The following PSME2 variants were observed in gnomAD, a reference collection of about 807,000 sequenced individuals.
The protein encoded by PSME2 is proteasome activator subunit 2.
In PSME2, 20 loss-of-function variants were observed where a neutral mutation model predicts 38.8. That is an observed-to-expected ratio of 0.52 (90% CI 0.36 to 0.75). The LOEUF (loss-of-function observed/expected upper bound fraction) is 0.75, where lower values mean the gene tolerates loss of function less well. Ranked by LOEUF, PSME2 falls within the 30% of genes least tolerant of loss-of-function variation. The pLI is 0.00. For missense variants in PSME2, 227 were observed against 287.6 expected, an observed-to-expected ratio of 0.79 and a Z score of 1.52; for synonymous variants, 82 against 102.5, an observed-to-expected ratio of 0.80 and a Z score of 1.21.
chr14:24,144,097 A>G, intron 8 of PSME2, 68 bp from the exon 9 acceptor site: 1 of 1,610,694 alleles, frequency 6.2e-7, no homozygotes, highest in Non-Finnish European at 8.5e-7. Flanking sequence ...GACCCTTCCC[A>G]AAGTCTCCCA....
intron 2 of PSME2, 76 bp downstream of exon 2, chr14:24,146,132 G>T (rs1050714174): frequency 8.4e-6 from 13 of 1,541,914 alleles, no homozygotes; most frequent in Non-Finnish European, 9.9e-6. Context: ...GACTTGGGGG[G>T]GTCATTCTGA....
Position 24,146,517 on chromosome 14 carries a change from C to T in PSME2, c.48+17G>A. 1 of 1,614,040 alleles carries T rather than the reference C, an allele frequency of 6.2e-7. No individual in the cohort carries two copies. Among genetic ancestry groups the T allele is most frequent in the Non-Finnish European group, 8.5e-7 (1 of 1,180,028 alleles). ...GAGGGTTCTATGACCCCTTCCTGGC[C>T]TCCGATTCCCCATTACCTGTTTGCG... On this transcript the variant is annotated intron_variant, in intron 1 of 10. Transcript: ENST00000216802.
intron 6 of PSME2, 172 bp downstream of exon 6, chr14:24,144,886 T>C (rs2038126156): frequency 1.4e-6 from 1 of 698,052 alleles, no homozygotes. Flanking sequence ...ACCGTTGTGA[T>C]AAGAGAGGTC....
intron 2 of PSME2, 104 bp from the exon 3 acceptor site, chr14:24,145,876 G>A: frequency 8.0e-7 from 1 of 1,255,508 alleles, no homozygotes; most frequent in East Asian, 2.3e-5. Flanking sequence ...TCCAAGACTT[G>A]CAAATGAGGA....
At chr14:24,146,324 TG>T in intron 1 of PSME2, 84 bp from the exon 2 acceptor site, 1 of 1,546,476 alleles carries the variant, frequency 6.5e-7, no homozygotes, top group East Asian at 2.2e-5. Flanking sequence ...CCTCGAACTG[TG>T]GCTCAGGCCT....
chr14:24,145,854 G>A (rs1387983760), intron 2 of PSME2, 82 bp from the exon 3 acceptor site: 1 of 1,411,074 alleles, frequency 7.1e-7, no homozygotes, highest in Middle Eastern at 1.8e-4. Flanking sequence ...AGGGCCTTTG[G>A]AAATCACTGG....
Position 24,145,240 on chromosome 14 carries a change from T to C in PSME2, c.262+3A>G, listed in dbSNP as rs777795942. 1.2e-6 allele frequency: 2 copies of C among 1,613,962 alleles called. No homozygotes were observed. Among genetic ancestry groups the C allele is most frequent in the Admixed American group, 3.3e-5 (2 of 60,008 alleles). On this transcript the variant is annotated splice_donor_region_variant and intron_variant, in intron 5 of 10. Transcript: ENST00000216802. ...TTCCCTAGTCACCTCTTATCTCTCT[T>C]ACCTTCTTTCTTCTCCTGCTTATCT...
rs553750680 is a variant in PSME2 at position 24,144,294 on chromosome 14, T to G, written c.430-35A>C. 35 of 1,613,358 alleles carry G rather than the reference T, an allele frequency of 2.2e-5. No homozygotes were observed. In the South Asian group the frequency reaches 3.8e-4, roughly 18 times the overall value. On this transcript the variant is annotated intron_variant, in intron 7 of 10. Coordinates refer to ENST00000216802, the MANE Select transcript of PSME2 (RefSeq NM_002818.3). ...CACGGGAGGCAAAGACAACACTTCA[T>G]GTCCTCCCCATTTCATACACTATCT...
In PSME2 at chr14:24,144,004, C is replaced by T; in HGVS notation, c.523G>A (p.Val175Met). 6.2e-7 allele frequency: 1 copy of T among 1,614,072 alleles called. No individual in the cohort carries two copies. The highest frequency in any genetic ancestry group is 8.5e-7 in the Non-Finnish European group (1 of 1,180,022). Residue 175 changes from valine (V) to methionine (M), a missense_variant, in exon 9 of 11, where the codon GTG becomes ATG. Val to Met is a conservative substitution (Grantham distance 21). This residue lies in a region of PSME2 where 99 missense variants were observed against 113.9 expected (regional missense o/e 0.87). Coordinates refer to ENST00000216802, the MANE Select transcript of PSME2 (RefSeq NM_002818.3). The part of the protein sequence containing the change: ...SKYFSERGDA[V>M]AKASKETHVM... Reference sequence around the variant, plus strand: ...TGAGTCTCCTTGGAGGCCTTGGCCACAGCATCCCCACGTTCTGAGAAGTAC... The same window carrying T: ...TGAGTCTCCTTGGAGGCCTTGGCCATAGCATCCCCACGTTCTGAGAAGTAC...
In PSME2 at chr14:24,143,776, A is replaced by T. The variant is rs948301503; in HGVS notation, c.553-105T>A. On this transcript the variant is annotated intron_variant, in intron 9 of 10. Transcript: ENST00000216802. The surrounding 1 kb of genome is among the most constrained non-coding windows in gnomAD (Gnocchi z 4.4). The stretch of plus-strand genomic sequence containing the variant: ...TTAACTTGAGAATGAACCCCTTCTT[A>T]GCACCAAGAAATAGGATCCCAAAGG... The T allele has an allele frequency of 3.0e-5, 41 of 1,346,530 alleles. No homozygotes were observed. Among genetic ancestry groups the T allele is most frequent in the Non-Finnish European group, 4.2e-5 (40 of 951,150 alleles). 83.4% of individuals were successfully genotyped at this position (1,346,530 alleles called of 1,614,324 possible).
At position 24,145,894 on chromosome 14, in the gene PSME2, G is replaced by A. The variant is rs374386370; in HGVS notation, c.82-122C>T. The A allele has an allele frequency of 3.2e-5, 36 of 1,112,836 alleles. No individual in the cohort carries two copies. In the South Asian group the frequency reaches 4.3e-4, roughly 13 times the overall value. 68.9% of individuals were successfully genotyped at this position (1,112,836 alleles called of 1,614,324 possible). A position where few individuals can be genotyped will look rare whatever the true frequency, so the allele number is the denominator to read the frequency against. ...AAGACTTGCAAATGAGGAAACTGAAGACCTGAAAATGAAAGGACTTGCCCA... is the reference window on the plus strand; with the variant it reads ...AAGACTTGCAAATGAGGAAACTGAAAACCTGAAAATGAAAGGACTTGCCCA... On this transcript the variant is annotated intron_variant, in intron 2 of 10. Transcript: ENST00000216802.
At chr14:24,144,564 A>G in intron 6 of PSME2, 96 bp from the exon 7 acceptor site, 1 of 1,157,806 alleles carries the variant, frequency 8.6e-7, no homozygotes, top group Non-Finnish European at 1.3e-6. Flanking sequence ...TTAATTGGGT[A>G]CTTATTACAT....
intron 4 of PSME2, 39 bp downstream of exon 4, chr14:24,145,340 T>C: frequency 1.9e-6 from 3 of 1,611,822 alleles, no homozygotes; most frequent in Non-Finnish European, 2.5e-6. Flanking sequence ...TCTTCTCCAT[T>C]GGGTTTATAG....
intron 2 of PSME2, 130 bp downstream of exon 2, chr14:24,146,077 CT>C (rs1378407226): frequency 8.5e-7 from 1 of 1,180,674 alleles, no homozygotes; most frequent in Non-Finnish European, 1.3e-6. Flanking sequence ...TCCGGGGTTA[CT>C]TTGGGTGAAG....
chr14:24,144,649 A>ATT (rs1391788799), intron 6 of PSME2, 181 bp from the exon 7 acceptor site: 3 of 659,902 alleles, frequency 4.5e-6, no homozygotes, highest in Non-Finnish European at 7.7e-6. Context: ...TATTGTACCC[A>ATT]TTTAACAGAT....
chr14:24,145,682 TGGGGCAGAA>T lies in PSME2; in HGVS notation c.144+19_144+27del, dbSNP rs1206648952. On this transcript the variant is annotated intron_variant, in intron 3 of 10. Coordinates refer to ENST00000216802, the MANE Select transcript of PSME2 (RefSeq NM_002818.3). ...GGCAAAGGGGATAGAGGACATAGGA[TGGGGCAGAA>T]GGGGCCCACACTACTCACTTGCAAG... 2.5e-6 allele frequency: 4 copies of T among 1,602,830 alleles called. No individual in the cohort carries two copies. Among genetic ancestry groups the T allele is most frequent in the Non-Finnish European group, 3.4e-6 (4 of 1,169,988 alleles).
Position 24,145,444 on chromosome 14 carries a change from C to A in PSME2, c.166G>T (p.Asp56Tyr). 6.4e-7 allele frequency: 1 copy of A among 1,555,366 alleles called. No individual in the cohort carries two copies. The highest frequency in any genetic ancestry group is 1.2e-5 in the South Asian group (1 of 80,182). Residue 56 changes from aspartate to tyrosine, a missense_variant, in exon 4 of 11, where the codon GAC becomes TAC. By Grantham distance (160) the Asp-to-Tyr change is radical (BLOSUM62 -3). This residue lies in a region of PSME2 where 80 missense variants were observed against 77.3 expected (regional missense o/e 1.04). Transcript: ENST00000216802. The stretch of plus-strand genomic sequence containing the variant: ...AGTGGGGCCCGGAGGGAAGTCAAGT[C>A]AGCCACATTGAGGGAGTCCTCCTGC... Reference protein sequence around the residue: ...LLQEDSLNVADLTSLRAPLDI... With the variant: ...LLQEDSLNVAYLTSLRAPLDI...
At chr14:24,145,589 A>T in intron 3 of PSME2, 121 bp downstream of exon 3, 1 of 1,453,996 alleles carries the variant, frequency 6.9e-7, no homozygotes, top group Non-Finnish European at 9.6e-7. Flanking sequence ...ACGCCATCCT[A>T]ATGTTCCTAA....
rs762204144 is a variant in PSME2, at chr14:24,143,599, G to C, written c.625C>G (p.Leu209Val). 7.4e-6 allele frequency: 12 copies of C among 1,613,956 alleles called. No individual in the cohort carries two copies. Among genetic ancestry groups the C allele is most frequent in the African/African-American group, 1.3e-5 (1 of 74,886 alleles). The change falls in exon 10 of 11, where the codon CTG becomes GTG. Residue 209 changes from leucine to valine, a missense_variant. Physicochemically the swap from Leu to Val is conservative, Grantham distance 32. Around this residue, in one of 3 missense-constraint regions of PSME2, gnomAD observed 99 missense variants for 113.9 expected, o/e 0.87. Transcript: ENST00000216802. The surrounding 1 kb of genome is among the most constrained non-coding windows in gnomAD (Gnocchi z 4.4). Reference sequence around the variant, plus strand: ...TCCACACTCACATAGAAGGCCCTCAGGTCCAGCACCATGGCCCTGAGCTCC... The same window carrying C: ...TCCACACTCACATAGAAGGCCCTCACGTCCAGCACCATGGCCCTGAGCTCC... ...YGELRAMVLDLRAFYAELYHI... is the reference protein window; with the variant it reads ...YGELRAMVLDVRAFYAELYHI...
Sources: allele counts gnomAD v4.1 joint callset, GRCh38; gene constraint gnomAD v4.1.1; regional missense constraint gnomAD v4.1.1; non-coding constraint Gnocchi (gnomAD v3.1); transcripts MANE v1.5; gene names NCBI Gene and HGNC (gene_info 2026-07-23, HGNC 2026-07-21).